Variants in SBSN observed in about 807,000 individuals in gnomAD.
The protein encoded by SBSN is HLAR698.
Under a neutral mutation model 42.8 loss-of-function variants are expected in SBSN, and 33 were observed. The ratio of observed to expected loss-of-function variants is 0.77; its 90% CI spans 0.58 to 1.03. SBSN has a LOEUF of 1.03. Ranked by LOEUF, SBSN falls within the 50% of genes least tolerant of loss-of-function variation. SBSN has a pLI of 0.00. For synonymous variants in SBSN, 276 were observed against 307.0 expected (o/e 0.90, Z 1.06); for missense variants, 646 against 757.3 (o/e 0.85, Z 1.72).
chr19:35,526,622 C>T, intron 1 of SBSN, 22 bp downstream of exon 1: 4 of 617,172 alleles, frequency 6.5e-6, no homozygotes, highest in Middle Eastern at 3.5e-4. Flanking sequence ...TGTCCCCCAT[C>T]TCCCCATCCC....
In SBSN at chr19:35,527,834, C is replaced by T; in HGVS notation, c.448G>A (p.Gly150Arg). The change falls in exon 1 of 4, where the codon GGG becomes AGG. Residue 150 changes from glycine (G) to arginine (R), a missense_variant. Gly to Arg is a moderately radical substitution (Grantham distance 125). Transcript: ENST00000452271. ...TTGTCGACTCCCTGGCCAAACTTCC[C>T]TGCCTCACTTCCCGCCTGGTTGGCC... ...HGANQAGSEA[G>R]KFGQGVDNAA... is the part of the protein sequence containing the mutation. 1 of 1,614,010 alleles carries T rather than the reference C, an allele frequency of 6.2e-7. No homozygotes were observed. The highest frequency in any genetic ancestry group is 8.5e-7 in the Non-Finnish European group (1 of 1,180,042).
Position 35,527,868 on chromosome 19 carries a change from G to A in SBSN, c.414C>T (p.Val138=). The change falls in exon 1 of 4, where the codon GTC becomes GTT. Residue 138 remains valine, a synonymous_variant. Coordinates refer to ENST00000452271, the MANE Select transcript of SBSN (RefSeq NM_001166034.2). ...TTCCCGCCTGGTTGGCCCCGTGATGGACCCCATGATGGATCAGTTTGTCTG... is the reference window on the plus strand; with the variant it reads ...TTCCCGCCTGGTTGGCCCCGTGATGAACCCCATGATGGATCAGTTTGTCTG... ...KEADKLIHHG[V]HHGANQAGSE... is the part of the protein sequence containing the mutation. 6.2e-7 allele frequency: 1 copy of A among 1,614,040 alleles called. No homozygotes were observed.
intron 1 of SBSN, 46 bp downstream of exon 1, chr19:35,526,598 T>TGCC: frequency 6.7e-5 from 19 of 284,118 alleles, no homozygotes; most frequent in Non-Finnish European, 1.1e-4. Flanking sequence ...AACCTTTCCC[T>TGCC]CCCCCAACCC....
chr19:35,526,614 T>TG, intron 1 of SBSN, 30 bp downstream of exon 1: 3 of 418,502 alleles, frequency 7.2e-6, no homozygotes, highest in Non-Finnish European at 1.3e-5. Context: ...AACCCCCCTG[T>TG]CCCCCATCTC....
intron 1 of SBSN, 109 bp from the exon 2 acceptor site, chr19:35,525,033 G>C: frequency 8.5e-7 from 1 of 1,176,786 alleles, no homozygotes; most frequent in Non-Finnish European, 1.2e-6. Context: ...GCTGCGGTGG[G>C]AGGCACAGCT....
At position 35,526,724 on chromosome 19, in the gene SBSN, C is replaced by A; in HGVS notation, c.1558G>T (p.Ala520Ser). The A allele has an allele frequency of 6.2e-7, 1 of 1,613,778 alleles. No individual in the cohort carries two copies. Among genetic ancestry groups the A allele is most frequent in the East Asian group, 2.2e-5 (1 of 44,862 alleles). ...TGCAGCTCCTTCCCGGCCTGGCCAG[C>A]AGCATGGTGGGCACCTTGGCCAAGC... is the stretch of plus-strand genomic sequence containing the variant. The part of the protein sequence containing the change: ...EKLGQGAHHA[A>S]GQAGKELQNA... The change falls in exon 1 of 4, where the codon GCT becomes TCT. Residue 520 changes from alanine (A) to serine (S), a missense_variant. Ala to Ser is a moderately conservative substitution (Grantham distance 99). This residue lies in a region of SBSN where 236 missense variants were observed against 225.6 expected (regional missense o/e 1.05). Coordinates refer to ENST00000452271, the MANE Select transcript of SBSN (RefSeq NM_001166034.2).
intron 3 of SBSN, 66 bp downstream of exon 3, chr19:35,524,645 G>A (rs1234882781): frequency 5.1e-6 from 8 of 1,566,766 alleles, no homozygotes; most frequent in Non-Finnish European, 6.1e-6. Flanking sequence ...CAGACACCGG[G>A]AAGGGGTCGG....
At chr19:35,524,454 GGCCTGGGAGGTCTTTTCTGCCAGC>G (rs1306305368) in intron 3 of SBSN, among the ~76,000 whole-genome samples, 1 of 151,900 alleles carries the variant, frequency 6.6e-6, no homozygotes, top group Non-Finnish European at 1.5e-5. Context: ...GGGGCACCAG[GGCCTGGGAGGTCTTTTCTGCCAGC>G]TTGTGTTTGC....
In SBSN at chr19:35,527,686, G is replaced by A. The variant is rs2071397010; in HGVS notation, c.596C>T (p.Ala199Val). 2.7e-6 allele frequency: 4 copies of A among 1,507,750 alleles called. No homozygotes were observed. The highest frequency in any genetic ancestry group is 2.1e-5 in the Admixed American group (1 of 47,246). The allele number at this position is 1,507,750 out of a possible 1,614,324, so 93.4% of individuals were successfully genotyped here. A position where few individuals can be genotyped will look rare whatever the true frequency, so the allele number is the denominator to read the frequency against. Residue 199 changes from alanine to valine, a missense_variant, in exon 1 of 4, where the codon GCC becomes GTC. Physicochemically the swap from Ala to Val is moderately conservative, Grantham distance 64. Coordinates refer to ENST00000452271, the MANE Select transcript of SBSN (RefSeq NM_001166034.2). ...GCCAAATCTCCCAGCCTCATTTCCGGCCTGCCCTGCAGCATGGTGGACTCC... is the reference window on the plus strand; with the variant it reads ...GCCAAATCTCCCAGCCTCATTTCCGACCTGCCCTGCAGCATGGTGGACTCC... ...GQGVHHAAGQ[A>V]GNEAGRFGQG...
chr19:35,523,611 C>T (rs1195744449), intron 3 of SBSN, 78 bp from the exon 4 acceptor site: 8 of 1,433,630 alleles, frequency 5.6e-6, no homozygotes, highest in Admixed American at 1.7e-5. Flanking sequence ...CCCCGCCCCT[C>T]GGGAGAAGCA....
rs1340528933 is a variant in SBSN at position 35,526,832 on chromosome 19, C to T, written c.1450G>A (p.Val484Ile). ...DKAVQGFHTG[V>I]HQAGKEAEKL... The stretch of plus-strand genomic sequence containing the variant: ...TCTGCTTCCTTCCCAGCCTGGTGGA[C>T]CCCAGTGTGGAACCCTTGGACCGCT... Residue 484 changes from valine (V) to isoleucine (I), a missense_variant, in exon 1 of 4, where the codon GTC becomes ATC. Transcript: ENST00000452271. The T allele has an allele frequency of 6.2e-7, 1 of 1,613,618 alleles. No homozygotes were observed. Among genetic ancestry groups the T allele is most frequent in the African/African-American group, 1.3e-5 (1 of 74,734 alleles).
rs528754977 is a variant in SBSN at position 35,527,048 on chromosome 19, C to T, written c.1234G>A (p.Val412Ile). The T allele has an allele frequency of 5.8e-5, 90 of 1,539,742 alleles. No homozygotes were observed. Among genetic ancestry groups the T allele is most frequent in the South Asian group, 3.0e-4 (25 of 84,082 alleles). The change falls in exon 1 of 4, where the codon GTT becomes ATT. Residue 412 changes from valine (V) to isoleucine (I), a missense_variant. Around this residue, in one of 3 missense-constraint regions of SBSN, gnomAD observed 220 missense variants for 334.5 expected, o/e 0.66. Transcript: ENST00000452271. ...DRVVQGLHHG[V>I]SQAGREAGQF... ...CCCGCCTCCCTTCCAGCCTGACTAA[C>T]GCCATGATGGAGGCCTTGGACCACT...
chr19:35,524,882 T>G lies in SBSN; in HGVS notation c.1681A>C (p.Thr561Pro). ...SGSSSHQGGA[T>P]TTPLASGASV... The stretch of plus-strand genomic sequence containing the variant: ...ACCCCAGAGGCTAACGGCGTGGTTG[T>G]GGCCCCTCCTTGATGGCTGGAAGAT... The change falls in exon 2 of 4, where the codon ACA becomes CCA. Residue 561 changes from threonine (T) to proline (P), a missense_variant. Physicochemically the swap from Thr to Pro is conservative, Grantham distance 38 (BLOSUM62 -1). Transcript: ENST00000452271. The G allele has an allele frequency of 6.2e-7, 1 of 1,614,118 alleles. No individual in the cohort carries two copies. Among genetic ancestry groups the G allele is most frequent in the Non-Finnish European group, 8.5e-7 (1 of 1,180,012 alleles).
Position 35,528,261 on chromosome 19 carries a change from G to A in SBSN, c.21C>T (p.Val7=), listed in dbSNP as rs752923072. 1.1e-5 allele frequency: 18 copies of A among 1,611,082 alleles called. No homozygotes were observed. The highest frequency in any genetic ancestry group is 2.2e-5 in the East Asian group (1 of 44,846). The part of the protein sequence containing the change: MHLARL[V]GSCSLLLLLG... Reference sequence around the variant, plus strand: ...GTAGCAGAAGGAGGGAGCAGGAGCCGACCAGACGTGCAAGATGCATATTGC... The same window carrying A: ...GTAGCAGAAGGAGGGAGCAGGAGCCAACCAGACGTGCAAGATGCATATTGC... Residue 7 remains valine (V), a synonymous_variant, in exon 1 of 4, where the codon GTC becomes GTT. Coordinates refer to ENST00000452271, the MANE Select transcript of SBSN (RefSeq NM_001166034.2).
chr19:35,523,645 C>T (rs1005919636), intron 3 of SBSN, 112 bp from the exon 4 acceptor site: 1 of 1,069,064 alleles, frequency 9.4e-7, no homozygotes, highest in Non-Finnish European at 1.5e-6. Flanking sequence ...TGCTCTGGCC[C>T]CGGAGTTATG....
Position 35,523,438 on chromosome 19 carries a change from C to T in SBSN, c.*72G>A. The T allele has an allele frequency of 6.6e-7, 1 of 1,513,892 alleles. No individual in the cohort carries two copies. Among genetic ancestry groups the T allele is most frequent in the South Asian group, 1.1e-5 (1 of 89,174 alleles). 93.8% of individuals were successfully genotyped at this position (1,513,892 alleles called of 1,614,324 possible). On this transcript the variant is annotated 3_prime_UTR_variant, in exon 4 of 4. Transcript: ENST00000452271. ...GATTTCAGAAACCTGTCCCCCACCC[C>T]CAACCCCTCCAGGTCATGTCAGCTG... is the stretch of plus-strand genomic sequence containing the variant.
At position 35,524,920 on chromosome 19, in the gene SBSN, T is replaced by C. The variant is rs1332835993; in HGVS notation, c.1643A>G (p.Asn548Ser). 3 of 1,613,828 alleles carry C rather than the reference T, an allele frequency of 1.9e-6. No individual in the cohort carries two copies. Among genetic ancestry groups the C allele is most frequent in the East Asian group, 2.2e-5 (1 of 44,872 alleles). The change falls in exon 2 of 4, where the codon AAC becomes AGC. Residue 548 changes from asparagine (N) to serine (S), a missense_variant. Asn to Ser is a conservative substitution (Grantham distance 46). Around this residue, in one of 3 missense-constraint regions of SBSN, gnomAD observed 236 missense variants for 225.6 expected, o/e 1.05. Coordinates refer to ENST00000452271, the MANE Select transcript of SBSN (RefSeq NM_001166034.2). ...SKEANQLLNG[N>S]HQSGSSSHQG... ...ATGGCTGGAAGATCCGCTTTGATGG[T>C]TGCCCTGTGGACAAAGCCCAGACTC...
intron 1 of SBSN, 32 bp downstream of exon 1, chr19:35,526,612 T>TCCCCCCC: frequency 5.1e-6 from 1 of 194,516 alleles, no homozygotes. Context: ...CCAACCCCCC[T>TCCCCCCC]GTCCCCCATC....
rs561114497 is a variant in SBSN, at chr19:35,527,919, G to A, written c.363C>T (p.Asn121=). 1.4e-5 allele frequency: 22 copies of A among 1,613,894 alleles called. No individual in the cohort carries two copies. Among genetic ancestry groups the A allele is most frequent in the East Asian group, 4.5e-5 (2 of 44,882 alleles). The change falls in exon 1 of 4, where the codon AAC becomes AAT. Residue 121 remains asparagine, a synonymous_variant. Transcript: ENST00000452271. ...CCTCCTTCCCAACCTGTCCAGCAGC[G>A]TTGTTGACCCCATGGCCAAGCTTCT... ...EAEKLGHGVN[N]AAGQVGKEAD...
Sources: gnomAD v4.1 joint callset for allele counts (sites outside exome capture counted in the v4.1 genomes callset) on GRCh38, gnomAD v4.1.1 for gene constraint, gnomAD v4.1.1 regional missense constraint, MANE v1.5 for transcripts, NCBI Gene and HGNC (gene_info 2026-07-23, HGNC 2026-07-21) for gene names.